PDS5B: variants seen among roughly 807,000 people sequenced by gnomAD.
PDS5B encodes the protein PDS5 cohesin associated factor B.
In PDS5B, 51 loss-of-function variants were observed where a neutral mutation model predicts 184.1. The observed-to-expected ratio is 0.28, with a 90% CI of 0.22 to 0.35. PDS5B has a LOEUF of 0.35. PDS5B is among the 10% of genes least tolerant of loss of function. The pLI, the probability that PDS5B is intolerant of heterozygous loss-of-function variation, is 1.00. For missense variants in PDS5B, 1,180 were observed against 1,723.3 expected, an observed-to-expected ratio of 0.68 and a Z score of 5.58; for synonymous variants, 566 against 569.2, an observed-to-expected ratio of 0.99 and a Z score of 0.08.
chr13:32,757,521 A>G (rs1425397761), intron 26 of PDS5B, among the ~76,000 whole-genome samples: 1 of 151,554 alleles, frequency 6.6e-6, no homozygotes, highest in Non-Finnish European at 1.5e-5. Flanking sequence ...TGTATTGAAT[A>G]GAGTTTTACG....
intron 1 of PDS5B, among the ~76,000 whole-genome samples, chr13:32,612,913 A>C (rs1462114562): frequency 6.6e-6 from 1 of 152,212 alleles, no homozygotes; most frequent in Non-Finnish European, 1.5e-5. Flanking sequence ...ACAACAGGAC[A>C]AAATCGACAC....
intron 9 of PDS5B, among the ~76,000 whole-genome samples, chr13:32,677,744 T>C (rs565599857): frequency 1.2e-4 from 18 of 152,228 alleles, no homozygotes; most frequent in African/African-American, 4.1e-4. Context: ...CACTCCTTTA[T>C]AATGCTAACT....
At chr13:32,742,818 T>C (rs1287441922) in intron 23 of PDS5B, 91 bp downstream of exon 23, 1 of 1,184,990 alleles carries the variant, frequency 8.4e-7, no homozygotes. Flanking sequence ...TTTTCTTTTT[T>C]TTTTAAATTA....
At chr13:32,729,335 C>T (rs1953020342) in intron 19 of PDS5B, among the ~76,000 whole-genome samples, 1 of 152,146 alleles carries the variant, frequency 6.6e-6, no homozygotes, top group African/African-American at 2.4e-5. Flanking sequence ...TTTTCTTTAT[C>T]CAGTCTATCA....
chr13:32,751,626 C>T (rs1410693528), intron 24 of PDS5B, among the ~76,000 whole-genome samples: 1 of 152,152 alleles, frequency 6.6e-6, no homozygotes, highest in Non-Finnish European at 1.5e-5. Flanking sequence ...AACATTTTTT[C>T]ATATGCTTGT....
intron 1 of PDS5B, among the ~76,000 whole-genome samples, chr13:32,587,135 G>C (rs2057697905): frequency 6.8e-6 from 1 of 147,268 alleles, no homozygotes; most frequent in South Asian, 2.1e-4. Flanking sequence ...CGAGGGGCGG[G>C]CGGGGACCGC....
rs528946653 is a variant in PDS5B, at chr13:32,624,040, A to T, written c.-19-24714A>T. ...TTGGCCAAGCTATTCCTTTTTTTTA[A>T]AAAAAAAAATTGTTACACTTGAAAT... On this transcript the variant is annotated intron_variant, in intron 1 of 34. Transcript: ENST00000315596. 3.7e-3 allele frequency among the ~76,000 whole-genome samples: 542 copies of T among 147,580 alleles called. 5 individuals are homozygous for T. The highest frequency in any genetic ancestry group is 0.013 in the African/African-American group (484 of 38,686).
intron 11 of PDS5B, among the ~76,000 whole-genome samples, chr13:32,685,185 G>C (rs988408792): frequency 6.6e-6 from 1 of 152,196 alleles, no homozygotes; most frequent in Non-Finnish European, 1.5e-5. Context: ...TGCTGGTTGT[G>C]CGTGGAGGAT....
intron 3 of PDS5B, among the ~76,000 whole-genome samples, chr13:32,656,471 T>C (rs1175227971): frequency 1.3e-5 from 2 of 152,014 alleles, no homozygotes; most frequent in Non-Finnish European, 2.9e-5. Context: ...TCCATGAACA[T>C]GGAATGATTT....
In PDS5B at chr13:32,604,485, T is replaced by A. The variant is rs537767338; in HGVS notation, c.-20+17892T>A. 6.6e-5 allele frequency among the ~76,000 whole-genome samples: 10 copies of A among 152,362 alleles called. No individual in the cohort carries two copies. In the South Asian group the frequency reaches 2.1e-3, roughly 32 times the overall value. ...TGCTGGATTTGGTTGGCCAGTATTT[T>A]AGAGGATTTTTGCATCGATGTTCAT... On this transcript the variant is annotated intron_variant, in intron 1 of 34. Transcript: ENST00000315596.
intron 6 of PDS5B, among the ~76,000 whole-genome samples, chr13:32,665,588 C>CAAAAAAAAAAAAAAAA (rs34604938): frequency 7.7e-5 from 2 of 25,880 alleles, no homozygotes; most frequent in Non-Finnish European, 6.5e-5. Context: ...GACTCCGACT[C>CAAAAAAAAAAAAAAAA]AAAAAAAAAA....
At chr13:32,771,937 T>C (rs1954801587) in intron 33 of PDS5B, among the ~76,000 whole-genome samples, 1 of 149,856 alleles carries the variant, frequency 6.7e-6, no homozygotes. Context: ...ACCAAACAAG[T>C]ATTTCTTAAA....
intron 1 of PDS5B, among the ~76,000 whole-genome samples, chr13:32,601,830 A>G (rs1011919891): frequency 2.0e-5 from 3 of 152,228 alleles, no homozygotes; most frequent in African/African-American, 4.8e-5. Flanking sequence ...AGAGGGAACT[A>G]CATTGAATTG....
chr13:32,716,873 C>A (rs1331375704), intron 19 of PDS5B, among the ~76,000 whole-genome samples: 1 of 122,392 alleles, frequency 8.2e-6, no homozygotes, highest in Non-Finnish European at 1.8e-5. Context: ...GGCCAGCCGC[C>A]CCGTCCGGGA....
intron 10 of PDS5B, among the ~76,000 whole-genome samples, chr13:32,679,803 G>A (rs1951181581): frequency 6.6e-6 from 1 of 151,736 alleles, no homozygotes; most frequent in South Asian, 2.1e-4. Context: ...TTGACCTTAG[G>A]GCCATCCATT....
intron 1 of PDS5B, among the ~76,000 whole-genome samples, chr13:32,643,131 A>G (rs1950140294): frequency 6.6e-6 from 1 of 152,130 alleles, no homozygotes; most frequent in African/African-American, 2.4e-5. Flanking sequence ...TTGTCTCTGA[A>G]ATAAGGCAGA....
chr13:32,732,232 G>GA lies in PDS5B; in HGVS notation c.2247+15dup, dbSNP rs768376871. The GA allele has an allele frequency of 5.7e-6, 9 of 1,588,398 alleles. No homozygotes were observed. In the East Asian group the frequency reaches 2.0e-4, roughly 36 times the overall value. ...TTTGCACAGATATTTGAGGTAATGA[G>GA]AAAAAAATTTTCTTGTTTATTTCAT... On this transcript the variant is annotated intron_variant, in intron 20 of 34. Transcript: ENST00000315596.
Position 32,716,907 on chromosome 13 carries a change from C to T in PDS5B, c.2123+6801C>T, listed in dbSNP as rs1490267380. ...GAGGTGAGGGGTGCCTTTGCCTGGC[C>T]GCCCCTACTGGGAAGTGAGGAGCCC... On this transcript the variant is annotated intron_variant, in intron 19 of 34. Transcript: ENST00000315596. Among the ~76,000 whole-genome samples, 753 of 106,934 alleles carry T rather than the reference C, an allele frequency of 7.0e-3. 74 individuals carry two copies. The highest frequency in any genetic ancestry group is 0.016 in the African/African-American group (464 of 29,300). 70.2% of individuals were successfully genotyped at this position (106,934 alleles called of 152,430 possible).
At chr13:32,662,118 C>T (rs541202572) in intron 6 of PDS5B, among the ~76,000 whole-genome samples, 4 of 151,766 alleles carry the variant, frequency 2.6e-5, no homozygotes, top group Non-Finnish European at 4.4e-5. Context: ...CACAAAAGGT[C>T]GAATATAAAA....
Sources: gnomAD v4.1 joint callset for allele counts (sites outside exome capture counted in the v4.1 genomes callset) on GRCh38, gnomAD v4.1.1 for gene constraint, MANE v1.5 for transcripts, NCBI Gene and HGNC (gene_info 2026-07-23, HGNC 2026-07-21) for gene names.